The following TAF2 variants were observed in gnomAD, a reference collection of about 807,000 sequenced individuals.
TAF2 encodes TATA-box binding protein associated factor 2, also known as transcription initiation factor TFIID subunit 2.
Under a neutral mutation model 138.5 loss-of-function variants are expected in TAF2, and 61 were observed. That is an observed-to-expected ratio of 0.44 (90% CI 0.36 to 0.54). The LOEUF (loss-of-function observed/expected upper bound fraction) is 0.54. Among genes scored for constraint, TAF2 ranks in the 20% least tolerant of loss-of-function variants. The pLI is 0.00. For missense variants in TAF2, 1,090 were observed against 1,427.9 expected, an observed-to-expected ratio of 0.76 and a Z score of 3.81; for synonymous variants, 475 against 469.9, an observed-to-expected ratio of 1.01 and a Z score of -0.14.
At chr8:119,755,863 G>C (rs1394939615) in intron 22 of TAF2, 143 bp downstream of exon 22, 4 of 654,014 alleles carry the variant, frequency 6.1e-6, no homozygotes, top group Non-Finnish European at 1.1e-5. Flanking sequence ...AGCCACCACT[G>C]TGAAGGTGTG....
chr8:119,762,326 T>C, intron 19 of TAF2, 89 bp downstream of exon 19: 1 of 1,286,674 alleles, frequency 7.8e-7, no homozygotes, highest in Non-Finnish European at 1.1e-6. Flanking sequence ...CATTTTACTT[T>C]ACTATATTTC....
intron 2 of TAF2, among the ~76,000 whole-genome samples, chr8:119,821,828 G>A (rs753192851): frequency 3.3e-5 from 5 of 152,104 alleles, no homozygotes; most frequent in East Asian, 3.9e-4. Context: ...CTTGAGTCCC[G>A]GAGTTCAGAA....
At chr8:119,831,189 T>C (rs1054978406) in intron 2 of TAF2, among the ~76,000 whole-genome samples, 1 of 152,104 alleles carries the variant, frequency 6.6e-6, no homozygotes, top group Non-Finnish European at 1.5e-5. Context: ...TACATCTAAA[T>C]TGTGTCGGGA....
At chr8:119,814,984 G>A (rs1489885956) in intron 3 of TAF2, among the ~76,000 whole-genome samples, 1 of 151,628 alleles carries the variant, frequency 6.6e-6, no homozygotes, top group Non-Finnish European at 1.5e-5. Flanking sequence ...GCTCACGCCT[G>A]TAATCCCAGA....
intron 2 of TAF2, among the ~76,000 whole-genome samples, chr8:119,824,373 G>A (rs551980506): frequency 6.6e-5 from 10 of 151,118 alleles, no homozygotes; most frequent in South Asian, 6.3e-4. Flanking sequence ...AGGTTGCAGC[G>A]AGCTGAGATT....
At position 119,806,473 on chromosome 8, in the gene TAF2, T is replaced by C. The variant is rs112763903; in HGVS notation, c.300-72A>G. The C allele has an allele frequency of 1.3e-3, 667 of 514,164 alleles. 1 individual carries two copies. The highest frequency in any genetic ancestry group is 3.9e-3 in the Middle Eastern group (7 of 1,788). The allele number at this position is 514,164 out of a possible 1,614,324, so 31.9% of individuals were successfully genotyped here. On this transcript the variant is annotated intron_variant, in intron 3 of 25. Coordinates refer to ENST00000378164, the MANE Select transcript of TAF2 (RefSeq NM_003184.4). ...ACCAAGCATTTTTCTTTCTTTCTTT[T>C]TTTTTTTTTTTTTTTAGATGAAGTC...
Position 119,802,040 on chromosome 8 carries a change from G to A in TAF2, c.561-15C>T, listed in dbSNP as rs537769571. 82 of 1,590,242 alleles carry A rather than the reference G, an allele frequency of 5.2e-5. 1 individual carries two copies. The South Asian group carries it at 9.1e-4, about 18-fold the overall frequency. On this transcript the variant is annotated splice_polypyrimidine_tract_variant and intron_variant, in intron 5 of 25. Transcript: ENST00000378164. ...GGAACCAAAATCTAGAAAAAAGATTGACAGTATAGAAAATGTATTCAAAGA... is the reference window on the plus strand; with the variant it reads ...GGAACCAAAATCTAGAAAAAAGATTAACAGTATAGAAAATGTATTCAAAGA...
intron 12 of TAF2, among the ~76,000 whole-genome samples, chr8:119,789,142 C>G (rs894501918): frequency 6.6e-6 from 1 of 152,152 alleles, no homozygotes; most frequent in Non-Finnish European, 1.5e-5. Context: ...AGCAGAACCA[C>G]TATACAAAGT....
Position 119,789,755 on chromosome 8 carries a change from AT to A in TAF2, c.1414-10del, listed in dbSNP as rs757839663. 9.4e-5 allele frequency: 152 copies of A among 1,612,606 alleles called. No homozygotes were observed. Among genetic ancestry groups the A allele is most frequent in the Admixed American group, 1.2e-4 (7 of 59,974 alleles). On this transcript the variant is annotated splice_polypyrimidine_tract_variant and intron_variant, in intron 11 of 25. Transcript: ENST00000378164. ...AGCAGTTTATTGAAAACCTGTAAGG[AT>A]AAAATCATTTAGTAAATTCATATAA...
intron 2 of TAF2, among the ~76,000 whole-genome samples, chr8:119,829,002 T>TA (rs1826269932): frequency 6.6e-6 from 1 of 152,214 alleles, no homozygotes; most frequent in African/African-American, 2.4e-5. Flanking sequence ...AGTCAGCCAT[T>TA]ACCAACTCTT....
At position 119,731,996 on chromosome 8, in the gene TAF2, C is replaced by T; in HGVS notation, c.3528G>A (p.Lys1176=). The T allele has an allele frequency of 6.2e-7, 1 of 1,614,108 alleles. No individual in the cohort carries two copies. Among genetic ancestry groups the T allele is most frequent in the African/African-American group, 1.3e-5 (1 of 75,026 alleles). Residue 1176 remains lysine (K), a synonymous_variant, in exon 26 of 26, where the codon AAG becomes AAA. Coordinates refer to ENST00000378164, the MANE Select transcript of TAF2 (RefSeq NM_003184.4). ...KHKHKHDSKE[K]DKEPFTFSSP... ...TGGAGAAAGTGAAAGGCTCCTTGTC[C>T]TTTTCTTTACTGTCATGCTTATGCT...
In TAF2 at chr8:119,795,472, A is replaced by C. The variant is rs1045935279; in HGVS notation, c.1191+60T>G. On this transcript the variant is annotated intron_variant, in intron 9 of 25. Coordinates refer to ENST00000378164, the MANE Select transcript of TAF2 (RefSeq NM_003184.4). ...AAGCAGTATTTTAAAAGTATTTTAC[A>C]GTCATTAAAAATGGAGGACATAAGA... is the stretch of plus-strand genomic sequence containing the variant. 7 of 1,376,508 alleles carry C rather than the reference A, an allele frequency of 5.1e-6. No homozygotes were observed. In the African/African-American group the frequency reaches 1.0e-4, roughly 20 times the overall value. The allele number at this position is 1,376,508 out of a possible 1,614,324, so 85.3% of individuals were successfully genotyped here.
At chr8:119,816,644 G>A (rs891473570) in intron 3 of TAF2, among the ~76,000 whole-genome samples, 10 of 152,126 alleles carry the variant, frequency 6.6e-5, no homozygotes, top group Non-Finnish European at 1.2e-4. Flanking sequence ...TTAGCTATCT[G>A]CCTTTCCCAA....
At chr8:119,756,709 G>A (rs918346247) in intron 21 of TAF2, among the ~76,000 whole-genome samples, 2 of 152,104 alleles carry the variant, frequency 1.3e-5, no homozygotes, top group African/African-American at 4.8e-5. Flanking sequence ...TCCTAAAAGA[G>A]GGTAACATTT....
At chr8:119,805,055 G>A (rs984537597) in intron 4 of TAF2, among the ~76,000 whole-genome samples, 4 of 151,970 alleles carry the variant, frequency 2.6e-5, no homozygotes, top group South Asian at 2.1e-4. Context: ...CACCCACAAC[G>A]GAAACCAATA....
intron 2 of TAF2, among the ~76,000 whole-genome samples, chr8:119,828,183 AG>A (rs1314232193): frequency 6.6e-6 from 1 of 152,116 alleles, no homozygotes; most frequent in Non-Finnish European, 1.5e-5. Flanking sequence ...CAGCCATGGA[AG>A]GAATTTTTGC....
intron 21 of TAF2, among the ~76,000 whole-genome samples, chr8:119,757,247 G>A (rs1172987358): frequency 6.6e-6 from 1 of 152,098 alleles, no homozygotes; most frequent in Non-Finnish European, 1.5e-5. Flanking sequence ...TGTAAAATAA[G>A]ACTACGGAAG....
In TAF2 at chr8:119,762,442, G is replaced by A. The variant is rs750451843; in HGVS notation, c.2531C>T (p.Pro844Leu). Residue 844 changes from proline (P) to leucine (L), a missense_variant, in exon 19 of 26, where the codon CCG (proline) becomes CTG (leucine). This residue lies in a region of TAF2 where 580 missense variants were observed against 719.6 expected (regional missense o/e 0.81). Coordinates refer to ENST00000378164, the MANE Select transcript of TAF2 (RefSeq NM_003184.4). ...TRFLNMEKLL[P>L]SYRHTITVSC... Reference sequence around the variant, plus strand: ...GACAGTGATGGTATGCCTGTAACTCGGAAGAAGTTTTTCCATATTCAAAAA... The same window carrying A: ...GACAGTGATGGTATGCCTGTAACTCAGAAGAAGTTTTTCCATATTCAAAAA... 1.4e-5 allele frequency: 22 copies of A among 1,613,654 alleles called. No homozygotes were observed. Among genetic ancestry groups the A allele is most frequent in the Admixed American group, 8.3e-5 (5 of 59,974 alleles).
chr8:119,801,736 T>A, intron 6 of TAF2, 58 bp downstream of exon 6: 1 of 1,543,748 alleles, frequency 6.5e-7, no homozygotes, highest in Middle Eastern at 1.7e-4. Context: ...CCAATATCTA[T>A]CTTTTTAAAA....
Sources: gnomAD v4.1 joint callset for allele counts (sites outside exome capture counted in the v4.1 genomes callset) on GRCh38, gnomAD v4.1.1 for gene constraint, gnomAD v4.1.1 regional missense constraint, MANE v1.5 for transcripts, NCBI Gene and HGNC (gene_info 2026-07-23, HGNC 2026-07-21) for gene names.